The following MAOA variants were observed in gnomAD, a reference collection of about 807,000 sequenced individuals.
MAOA encodes the protein monoamine oxidase A, also known as amine oxidase [flavin-containing] A.
In MAOA, 6 loss-of-function variants were observed where a neutral mutation model predicts 42.0. That is an observed-to-expected ratio of 0.14 (90% CI 0.08 to 0.28). MAOA has a LOEUF of 0.28. Ranked by LOEUF, MAOA falls within the 10% of genes least tolerant of loss-of-function variation. The pLI is 1.00. For synonymous variants in MAOA, 140 were observed against 154.0 expected (o/e 0.91, Z 0.67); for missense variants, 262 against 422.3 (o/e 0.62, Z 3.33).
intron 2 of MAOA, among the ~76,000 whole-genome samples, chrX:43,683,957 G>GAC (rs58791067): frequency 2.3e-3 from 237 of 103,831 alleles, no homozygotes; most frequent in Middle Eastern, 0.015. Flanking sequence ...AATACACACA[G>GAC]ACACACACAC....
At chrX:43,744,216 T>A in intron 14 of MAOA, 45 bp downstream of exon 14, 2 of 1,159,728 alleles carry the variant, frequency 1.7e-6, no homozygotes, top group Non-Finnish European at 2.4e-6. Flanking sequence ...AGACCAATCA[T>A]GGAACATAAA....
chrX:43,699,387 T>C (rs990009849), intron 3 of MAOA, among the ~76,000 whole-genome samples: 7 of 107,467 alleles, frequency 6.5e-5, no homozygotes, highest in African/African-American at 2.0e-4. Flanking sequence ...ATGAGTTTCC[T>C]GCACATCATA....
intron 3 of MAOA, among the ~76,000 whole-genome samples, chrX:43,697,489 A>T (rs1311850636): frequency 8.9e-6 from 1 of 112,480 alleles, no homozygotes; most frequent in East Asian, 2.8e-4. Context: ...GAAAATAAAG[A>T]TTGAAGCTCT....
intron 1 of MAOA, among the ~76,000 whole-genome samples, chrX:43,679,327 G>A (rs1000068610): frequency 8.3e-5 from 9 of 108,633 alleles, no homozygotes; most frequent in Non-Finnish European, 1.3e-4. Flanking sequence ...TTTATTATTG[G>A]CACTGAAATC....
At chrX:43,701,316 G>T (rs1388568572) in intron 3 of MAOA, among the ~76,000 whole-genome samples, 2 of 110,958 alleles carry the variant, frequency 1.8e-5, no homozygotes, top group Admixed American at 1.9e-4. Flanking sequence ...AAACTCTCAG[G>T]ATTACATCTC....
At chrX:43,731,584 T>A in intron 7 of MAOA, 110 bp from the exon 8 acceptor site, 3 of 929,974 alleles carry the variant, frequency 3.2e-6, no homozygotes, top group Non-Finnish European at 4.6e-6. Context: ...TCTCATTTTG[T>A]ATGTTTTTAC....
chrX:43,740,247 A>G (rs2033949460), intron 10 of MAOA, among the ~76,000 whole-genome samples: 1 of 111,962 alleles, frequency 8.9e-6, no homozygotes, highest in South Asian at 3.7e-4. Context: ...AAACACAAGT[A>G]TAGGATAGTT....
chrX:43,741,875 A>T, intron 11 of MAOA, 75 bp from the exon 12 acceptor site: 1 of 1,191,056 alleles, frequency 8.4e-7, no homozygotes, highest in Admixed American at 2.3e-5. Context: ...CTTTTTGTTA[A>T]AGCAACGATA....
chrX:43,712,553 C>T, intron 4 of MAOA, 152 bp from the exon 5 acceptor site: 1 of 490,056 alleles, frequency 2.0e-6, no homozygotes, highest in African/African-American at 2.3e-5. Context: ...AAGAACTCTA[C>T]CCCACTCCCT....
chrX:43,716,926 C>T (rs780825301), intron 5 of MAOA, among the ~76,000 whole-genome samples: 1 of 110,574 alleles, frequency 9.0e-6, no homozygotes, highest in East Asian at 2.9e-4. Flanking sequence ...TGGTATCTTC[C>T]TGGAGTGACT....
intron 3 of MAOA, among the ~76,000 whole-genome samples, chrX:43,701,976 A>G (rs917582720): frequency 2.7e-5 from 3 of 111,925 alleles, no homozygotes; most frequent in Non-Finnish European, 5.6e-5. Flanking sequence ...CATTACTCCA[A>G]TCAAAAGACT....
chrX:43,657,847 G>A, intron 1 of MAOA: 7 of 714,591 alleles, frequency 9.8e-6, no homozygotes, highest in Non-Finnish European at 1.2e-5. Flanking sequence ...ACCCAACATT[G>A]TTTATCCTGA....
intron 1 of MAOA, among the ~76,000 whole-genome samples, chrX:43,673,449 G>A (rs1418072963): frequency 7.4e-5 from 8 of 107,974 alleles, no homozygotes; most frequent in Non-Finnish European, 1.5e-4. Context: ...ATTTCCTTCC[G>A]TTCTGCTCTG....
At chrX:43,686,226 A>G (rs182243742) in intron 2 of MAOA, among the ~76,000 whole-genome samples, 513 of 112,318 alleles carry the variant, frequency 4.6e-3, no homozygotes, top group Middle Eastern at 4.6e-3. Context: ...AAACAGGAGC[A>G]TTAGTCATGT....
intron 6 of MAOA, among the ~76,000 whole-genome samples, chrX:43,729,765 A>G (rs1041160766): frequency 3.6e-5 from 4 of 111,921 alleles, no homozygotes; most frequent in African/African-American, 9.7e-5. Context: ...GGCATGAGCC[A>G]CCATGCCTAG....
At chrX:43,699,385 C>T (rs1178806062) in intron 3 of MAOA, among the ~76,000 whole-genome samples, 71 of 101,897 alleles carry the variant, frequency 7.0e-4, no homozygotes, top group African/African-American at 2.3e-3. Context: ...CCATGAGTTT[C>T]CTGCACATCA....
chrX:43,692,393 A>G (rs982666128), intron 2 of MAOA, among the ~76,000 whole-genome samples: 1 of 111,176 alleles, frequency 9.0e-6, no homozygotes, highest in Admixed American at 9.6e-5. Context: ...AAAATGGTAT[A>G]AAGTTATCTG....
At chrX:43,689,883 CT>C (rs1027066566) in intron 2 of MAOA, among the ~76,000 whole-genome samples, 1 of 109,731 alleles carries the variant, frequency 9.1e-6, no homozygotes. Flanking sequence ...TTCTCTTCCT[CT>C]TTTTTTTTCT....
chrX:43,700,541 C>T (rs1569195533), intron 3 of MAOA, among the ~76,000 whole-genome samples: 1 of 111,910 alleles, frequency 8.9e-6, no homozygotes, highest in Non-Finnish European at 1.9e-5. Context: ...TCTTCTCTTG[C>T]ACCCTGAGCT....
Sources: allele counts gnomAD v4.1 joint callset (sites outside exome capture counted in the v4.1 genomes callset), GRCh38; gene constraint gnomAD v4.1.1; transcripts MANE v1.5; gene names NCBI Gene and HGNC (gene_info 2026-07-23, HGNC 2026-07-21).